DVL2: variants seen among roughly 807,000 people sequenced by gnomAD.
The protein encoded by DVL2 is segment polarity protein dishevelled homolog DVL-2.
Under a neutral mutation model 69.8 loss-of-function variants are expected in DVL2, and 38 were observed. The ratio of observed to expected loss-of-function variants is 0.54; its 90% confidence interval spans 0.42 to 0.71. The LOEUF (loss-of-function observed/expected upper bound fraction) is 0.71, where lower values mean the gene tolerates loss of function less well. Ranked by LOEUF, DVL2 falls within the 30% of genes least tolerant of loss-of-function variation. The pLI, the probability that DVL2 is intolerant of heterozygous loss-of-function variation, is 0.00. For missense variants in DVL2, 931 were observed against 1,008.1 expected, an observed-to-expected ratio of 0.92 and a Z score of 1.04; for synonymous variants, 428 against 392.4, an observed-to-expected ratio of 1.09 and a Z score of -1.07.
At chr17:7,231,837 T>G (rs1471925855) in intron 1 of DVL2, among the ~76,000 whole-genome samples, 1 of 136,532 alleles carries the variant, frequency 7.3e-6, no homozygotes, top group Non-Finnish European at 1.5e-5. Flanking sequence ...CACTCCAGCC[T>G]GGGCAGAGTG....
chr17:7,234,157 C>G lies in DVL2; in HGVS notation c.106G>C (p.Glu36Gln), dbSNP rs139256869. 1.9e-5 allele frequency: 30 copies of G among 1,614,162 alleles called. No individual in the cohort carries two copies. The African/African-American group carries it at 3.9e-4, about 21-fold the overall frequency. The change falls in exon 1 of 15, where the codon GAG (glutamate) becomes CAG (glutamine). Residue 36 changes from glutamate (E) to glutamine (Q), a missense_variant. Glu to Gln is a conservative substitution (Grantham distance 29). Transcript: ENST00000005340. ...PYLVKIPVPA[E>Q]RITLGDFKSV... ...TTGAAATCGCCGAGGGTGATGCGCT[C>G]GGCGGGGACAGGGATCTTCACCAGG...
intron 1 of DVL2, among the ~76,000 whole-genome samples, chr17:7,233,687 A>G (rs2071583622): frequency 6.6e-6 from 1 of 152,106 alleles, no homozygotes; most frequent in Admixed American, 6.5e-5. Flanking sequence ...TGACCTCGTG[A>G]TCCGCCCGCC....
Position 7,234,223 on chromosome 17 carries a change from T to C in DVL2, c.40A>G (p.Thr14Ala). The change falls in exon 1 of 15, where the codon ACG becomes GCG. Residue 14 changes from threonine to alanine, a missense_variant. Thr to Ala is a moderately conservative substitution (Grantham distance 58). Around this residue, in one of 3 missense-constraint regions of DVL2, gnomAD observed 555 missense variants for 588.8 expected, o/e 0.94. Transcript: ENST00000005340. The part of the protein sequence containing the change: ...SSTGGGGVGE[T>A]KVIYHLDEEE... The stretch of plus-strand genomic sequence containing the variant: ...TCATCCAGGTGGTAAATCACCTTCG[T>C]CTCCCCAACCCCACCGCCCCCAGTG... 1 of 1,613,820 alleles carries C rather than the reference T, an allele frequency of 6.2e-7. No individual in the cohort carries two copies. Among genetic ancestry groups the C allele is most frequent in the South Asian group, 1.1e-5 (1 of 91,078 alleles).
chr17:7,228,786 T>C (rs1318354341), intron 9 of DVL2, 183 bp downstream of exon 9: 1 of 596,876 alleles, frequency 1.7e-6, no homozygotes, highest in Admixed American at 3.0e-5. Context: ...TTCACCACAT[T>C]GGTCAGGCTG....
chr17:7,227,935 C>A, intron 10 of DVL2, 42 bp downstream of exon 10: 1 of 1,573,698 alleles, frequency 6.4e-7, no homozygotes, highest in Non-Finnish European at 8.6e-7. Flanking sequence ...TCCTGGGCAG[C>A]CCCCACCCCC....
At position 7,226,242 on chromosome 17, in the gene DVL2, G is replaced by A. The variant is rs757743539; in HGVS notation, c.1834C>T (p.Pro612Ser). The A allele has an allele frequency of 6.2e-7, 1 of 1,611,566 alleles. No homozygotes were observed. The highest frequency in any genetic ancestry group is 8.5e-7 in the Non-Finnish European group (1 of 1,179,526). The change falls in exon 15 of 15, where the codon CCC becomes TCC. Residue 612 changes from proline (P) to serine (S), a missense_variant. Coordinates refer to ENST00000005340, the MANE Select transcript of DVL2 (RefSeq NM_004422.3). Reference protein sequence around the residue: ...GRTGRPEERAPESKSGSGSES... With the variant: ...GRTGRPEERASESKSGSGSES... ...CTGCCACTGCCGGACTTGGACTCGG[G>A]GGCCCGCTCCTCGGGCCTCCCCGTG...
chr17:7,229,770 G>A lies in DVL2; in HGVS notation c.656+38C>T. 6.3e-7 allele frequency: 1 copy of A among 1,595,228 alleles called. No individual in the cohort carries two copies. The highest frequency in any genetic ancestry group is 8.6e-7 in the Non-Finnish European group (1 of 1,166,632). On this transcript the variant is annotated intron_variant, in intron 5 of 14. Transcript: ENST00000005340. This position sits in a 1 kb window ranked among gnomAD's most constrained non-coding sequence, Gnocchi z 4.4. ...AGAGGATTGACTGGAAGACGAGACG[G>A]GGCTGGGTGCGCTGGGGAGAGCTGT...
Position 7,226,758 on chromosome 17 carries a change from CAG to C in DVL2, c.1544-121_1544-120del, listed in dbSNP as rs771422361. ...GACCCACCCACGATGGGGCTCAAAA[CAG>C]GGGTTCACAAGGGTCTCTGACAAGA... On this transcript the variant is annotated intron_variant, in intron 13 of 14. Coordinates refer to ENST00000005340, the MANE Select transcript of DVL2 (RefSeq NM_004422.3). 177 of 800,704 alleles carry C rather than the reference CAG, an allele frequency of 2.2e-4. 1 individual carries two copies. The highest frequency in any genetic ancestry group is 1.8e-3 in the South Asian group (90 of 50,586). The allele number at this position is 800,704 out of a possible 1,614,324, so 49.6% of individuals were successfully genotyped here.
rs377201716 is a variant in DVL2 at position 7,229,000 on chromosome 17, G to C, written c.1003C>G (p.Arg335Gly). ...FENMSNDDAV[R>G]VLRDIVHKPG... is the part of the protein sequence containing the mutation. ...TTGTGCACAATGTCCCTCAGCACCC[G>C]CACAGCGTCATCGTTGCTCATGTTC... The change falls in exon 9 of 15, where the codon CGG (arginine) becomes GGG (glycine). Residue 335 changes from arginine (R) to glycine (G), a missense_variant. Arg to Gly is a moderately radical substitution (Grantham distance 125). Transcript: ENST00000005340. The C allele has an allele frequency of 4.3e-6, 7 of 1,613,974 alleles. No individual in the cohort carries two copies. Among genetic ancestry groups the C allele is most frequent in the Non-Finnish European group, 5.1e-6 (6 of 1,180,020 alleles).
chr17:7,231,094 G>A (rs894026706), intron 1 of DVL2, among the ~76,000 whole-genome samples: 1 of 152,178 alleles, frequency 6.6e-6, no homozygotes, highest in Non-Finnish European at 1.5e-5. Context: ...CCCGCACGCT[G>A]ATGCGGCTGC....
At chr17:7,228,204 G>C (rs2071487835) in intron 9 of DVL2, 160 bp from the exon 10 acceptor site, 1 of 589,742 alleles carries the variant, frequency 1.7e-6, no homozygotes, top group Non-Finnish European at 3.1e-6. Context: ...CCACAATGTG[G>C]ATGACTCATC....
In DVL2 at chr17:7,226,171, C is replaced by T. The variant is rs752969870; in HGVS notation, c.1905G>A (p.Gly635=). 1.2e-6 allele frequency: 2 copies of T among 1,611,654 alleles called. No homozygotes were observed. The highest frequency in any genetic ancestry group is 1.7e-6 in the Non-Finnish European group (2 of 1,179,142). The change falls in exon 15 of 15, where the codon GGG becomes GGA. Residue 635 remains glycine, a synonymous_variant. Transcript: ENST00000005340. ...SSRGGSLRRG[G]EASGTSDGGP... ...CCCCATCGCTAGTCCCACTTGCTTC[C>T]CCACCCCGCCGAAGGCTGCCCCCTC... is the stretch of plus-strand genomic sequence containing the variant.
chr17:7,228,253 C>T (rs2071488703), intron 9 of DVL2: 1 of 510,550 alleles, frequency 2.0e-6, no homozygotes, highest in Non-Finnish European at 3.6e-6. Context: ...CCAAGTGAGA[C>T]AAGAGAGTAC....
chr17:7,225,375 T>A lies in DVL2; in HGVS notation c.*490A>T. 1.9e-6 allele frequency: 1 copy of A among 530,242 alleles called. No individual in the cohort carries two copies. Among genetic ancestry groups the A allele is most frequent in the Admixed American group, 3.2e-5 (1 of 31,392 alleles). The allele number at this position is 530,242 out of a possible 1,614,324, so 32.8% of individuals were successfully genotyped here. ...CTCTATTGCTTTATTTGGTGTTTTA[T>A]ACAAGTGACTAAAATAAATAGAGTA... On this transcript the variant is annotated 3_prime_UTR_variant, in exon 15 of 15. Coordinates refer to ENST00000005340, the MANE Select transcript of DVL2 (RefSeq NM_004422.3).
chr17:7,230,178 C>T, intron 3 of DVL2, 23 bp from the exon 4 acceptor site: 1 of 1,612,382 alleles, frequency 6.2e-7, no homozygotes, highest in Non-Finnish European at 8.5e-7. Flanking sequence ...AGATGGTTTC[C>T]AACCCACATC....
At chr17:7,233,587 G>T (rs1190982153) in intron 1 of DVL2, among the ~76,000 whole-genome samples, 1 of 152,124 alleles carries the variant, frequency 6.6e-6, no homozygotes, top group Non-Finnish European at 1.5e-5. Flanking sequence ...TGGGACTACA[G>T]GCGCGTGCCC....
In DVL2 at chr17:7,233,885, G is replaced by A. The variant is rs1038842289; in HGVS notation, c.194+184C>T. On this transcript the variant is annotated intron_variant, in intron 1 of 14. Transcript: ENST00000005340. Reference sequence around the variant, plus strand: ...TTAGGATATCCTAGTCTGTCCGTGTGCCTCAATCTATCCAAGCATAACCTT... The same window carrying A: ...TTAGGATATCCTAGTCTGTCCGTGTACCTCAATCTATCCAAGCATAACCTT... 2.6e-5 allele frequency: 18 copies of A among 682,972 alleles called. No homozygotes were observed. The African/African-American group carries it at 3.0e-4, about 12-fold the overall frequency. 42.3% of individuals were successfully genotyped at this position (682,972 alleles called of 1,614,324 possible).
Position 7,234,251 on chromosome 17 carries a change from G to A in DVL2, c.12C>T (p.Ser4=). The A allele has an allele frequency of 6.2e-7, 1 of 1,611,974 alleles. No homozygotes were observed. The highest frequency in any genetic ancestry group is 1.3e-5 in the African/African-American group (1 of 74,890). The change falls in exon 1 of 15, where the codon AGC becomes AGT. Residue 4 remains serine, a synonymous_variant. Coordinates refer to ENST00000005340, the MANE Select transcript of DVL2 (RefSeq NM_004422.3). ...CCCCAACCCCACCGCCCCCAGTGCT[G>A]CTACCCGCCATGGTCTCGCCCGCGC... The part of the protein sequence containing the change: MAG[S]STGGGGVGET...
chr17:7,228,249 G>T (rs775152054), intron 9 of DVL2: 81 of 517,956 alleles, frequency 1.6e-4, no homozygotes, highest in Non-Finnish European at 2.5e-4. Flanking sequence ...ACTGCCAAGT[G>T]AGACAAGAGA....
Sources: allele counts gnomAD v4.1 joint callset (sites outside exome capture counted in the v4.1 genomes callset), GRCh38; gene constraint gnomAD v4.1.1; regional missense constraint gnomAD v4.1.1; non-coding constraint Gnocchi (gnomAD v3.1); transcripts MANE v1.5; gene names NCBI Gene and HGNC (gene_info 2026-07-23, HGNC 2026-07-21).